The following CADPS variants were observed in gnomAD, a reference collection of about 807,000 sequenced individuals.
The protein encoded by CADPS is calcium dependent secretion activator.
Under a neutral mutation model 167.3 loss-of-function variants are expected in CADPS, and 57 were observed. The observed-to-expected ratio is 0.34, with a 90% CI of 0.28 to 0.42. The LOEUF (loss-of-function observed/expected upper bound fraction) is 0.42, where lower values mean the gene tolerates loss of function less well. CADPS is among the 20% of genes least tolerant of loss of function. CADPS has a pLI of 1.00. For synonymous variants in CADPS, 676 were observed against 635.3 expected, an observed-to-expected ratio of 1.06 and a Z score of -0.96; for missense variants, 1,414 against 1,738.1, an observed-to-expected ratio of 0.81 and a Z score of 3.32.
chr3:62,627,795 T>C (rs1289894238), intron 6 of CADPS, among the ~76,000 whole-genome samples: 1 of 152,142 alleles, frequency 6.6e-6, no homozygotes, highest in Non-Finnish European at 1.5e-5. Flanking sequence ...CTCCCTCATC[T>C]GGATTGTGTC....
At chr3:62,707,784 A>C in intron 3 of CADPS, among the ~76,000 whole-genome samples, 2 of 152,316 alleles carry the variant, frequency 1.3e-5, no homozygotes, top group Non-Finnish European at 2.9e-5. Flanking sequence ...TAAATATGTT[A>C]CTAAAATTAA....
intron 1 of CADPS, among the ~76,000 whole-genome samples, chr3:62,868,076 T>C (rs548188273): frequency 6.6e-6 from 1 of 152,216 alleles, no homozygotes; most frequent in African/African-American, 2.4e-5. Context: ...TTTCCTCATC[T>C]GTTAAAAACA....
intron 9 of CADPS, among the ~76,000 whole-genome samples, chr3:62,569,761 CT>C (rs1270934580): frequency 6.6e-6 from 1 of 152,192 alleles, no homozygotes; most frequent in Admixed American, 6.5e-5. Context: ...AGTTGACTCA[CT>C]TTGTGAAATC....
At chr3:62,454,372 G>A (rs1229332549) in intron 26 of CADPS, among the ~76,000 whole-genome samples, 1 of 152,106 alleles carries the variant, frequency 6.6e-6, no homozygotes, top group Non-Finnish European at 1.5e-5. Flanking sequence ...GTCTTCTAAG[G>A]ACTTGTCTTC....
chr3:62,642,902 C>G (rs1227859068), intron 6 of CADPS, among the ~76,000 whole-genome samples: 1 of 149,032 alleles, frequency 6.7e-6, no homozygotes, highest in Non-Finnish European at 1.5e-5. Flanking sequence ...CAGAGTAAGA[C>G]CCTATCTCAA....
chr3:62,642,552 A>G (rs569813919), intron 6 of CADPS, among the ~76,000 whole-genome samples: 1 of 152,302 alleles, frequency 6.6e-6, no homozygotes, highest in African/African-American at 2.4e-5. Flanking sequence ...TGAGTAAGTT[A>G]AAACTAGGGA....
intron 3 of CADPS, among the ~76,000 whole-genome samples, chr3:62,726,426 C>T (rs1420741309): frequency 6.6e-6 from 1 of 151,956 alleles, no homozygotes; most frequent in East Asian, 1.9e-4. Context: ...GAGTCATACC[C>T]CTTGGACTGA....
At chr3:62,870,765 A>G (rs1444782296) in intron 1 of CADPS, among the ~76,000 whole-genome samples, 1 of 152,168 alleles carries the variant, frequency 6.6e-6, no homozygotes, top group Non-Finnish European at 1.5e-5. Context: ...CAATCTAAAT[A>G]TTACATGAAT....
chr3:62,488,941 GT>G (rs760045030), intron 21 of CADPS, among the ~76,000 whole-genome samples: 4 of 152,102 alleles, frequency 2.6e-5, no homozygotes, highest in African/African-American at 4.8e-5. Flanking sequence ...TAATTCTCAG[GT>G]TATTATTCGC....
chr3:62,671,443 G>A (rs1253317818), intron 3 of CADPS, among the ~76,000 whole-genome samples: 1 of 152,158 alleles, frequency 6.6e-6, no homozygotes, highest in East Asian at 1.9e-4. Flanking sequence ...AGGGTATAGA[G>A]GAAGCAGGCG....
chr3:62,706,079 T>C (rs185961266), intron 3 of CADPS, among the ~76,000 whole-genome samples: 117 of 152,226 alleles, frequency 7.7e-4, no homozygotes, highest in African/African-American at 2.8e-3. Flanking sequence ...CGGGGTTACA[T>C]GGCTTCTGAC....
At chr3:62,406,125 TGCCGGTCATGACA>T (rs1319013684) in intron 28 of CADPS, among the ~76,000 whole-genome samples, 3 of 152,226 alleles carry the variant, frequency 2.0e-5, no homozygotes, top group Non-Finnish European at 4.4e-5. Flanking sequence ...GCAGTGTGTT[TGCCGGTCATGACA>T]GCCGATCTTG....
At chr3:62,559,705 G>A (rs2078809113) in intron 9 of CADPS, among the ~76,000 whole-genome samples, 1 of 152,132 alleles carries the variant, frequency 6.6e-6, no homozygotes, top group Non-Finnish European at 1.5e-5. Context: ...TGTTGGTCAA[G>A]CTGGTCTTGA....
intron 1 of CADPS, among the ~76,000 whole-genome samples, chr3:62,784,397 A>T (rs2092170415): frequency 6.6e-6 from 1 of 152,084 alleles, no homozygotes; most frequent in African/African-American, 2.4e-5. Flanking sequence ...CATGAGAAAA[A>T]TTTTCTCTTT....
At chr3:62,513,745 A>G (rs1204697847) in intron 16 of CADPS, 3 of 1,308,558 alleles carry the variant, frequency 2.3e-6, no homozygotes, top group Non-Finnish European at 3.3e-6. Flanking sequence ...GGCTTAGGTC[A>G]GAGGTAAAGA....
At chr3:62,583,453 G>A (rs888187693) in intron 8 of CADPS, among the ~76,000 whole-genome samples, 1 of 152,078 alleles carries the variant, frequency 6.6e-6, no homozygotes, top group Non-Finnish European at 1.5e-5. Flanking sequence ...AATGTTTCAC[G>A]GCATTCTAAT....
intron 6 of CADPS, among the ~76,000 whole-genome samples, chr3:62,638,077 TTATATATATATATATATG>T (rs2066669903): frequency 8.2e-5 from 3 of 36,754 alleles, no homozygotes; most frequent in Admixed American, 4.6e-4. Context: ...GTTTTAAGCA[TTATATATATATATATATG>T]TATATATATA....
At chr3:62,729,517 C>G (rs538386884) in intron 3 of CADPS, among the ~76,000 whole-genome samples, 1 of 151,778 alleles carries the variant, frequency 6.6e-6, no homozygotes, top group African/African-American at 2.4e-5. Context: ...ATCAGAGAGA[C>G]CTTGGATGAA....
At chr3:62,607,730 TG>T (rs1412485962) in intron 6 of CADPS, among the ~76,000 whole-genome samples, 17 of 152,188 alleles carry the variant, frequency 1.1e-4, no homozygotes, top group African/African-American at 4.1e-4. Context: ...GCTGCTTTCA[TG>T]GGCTGGGTTC....
Sources: gnomAD v4.1 joint callset for allele counts (sites outside exome capture counted in the v4.1 genomes callset) on GRCh38, gnomAD v4.1.1 for gene constraint, MANE v1.5 for transcripts, NCBI Gene and HGNC (gene_info 2026-07-23, HGNC 2026-07-21) for gene names.